Variants in CAB39 observed in about 807,000 individuals in gnomAD.
CAB39 encodes calcium binding protein 39.
A neutral mutation model predicts 40.0 loss-of-function variants in CAB39; 8 were observed. That is an observed-to-expected ratio of 0.20 (90% CI 0.12 to 0.36). The LOEUF (loss-of-function observed/expected upper bound fraction) is 0.36, where lower values mean the gene tolerates loss of function less well. Ranked by LOEUF, CAB39 falls within the 10% of genes least tolerant of loss-of-function variation. The pLI is 1.00. For missense variants in CAB39, 270 were observed against 401.1 expected (o/e 0.67, Z 2.79); for synonymous variants, 156 against 141.6 (o/e 1.10, Z -0.72).
chr2:230,733,200 G>A (rs889813085), intron 1 of CAB39, among the ~76,000 whole-genome samples: 1 of 152,180 alleles, frequency 6.6e-6, no homozygotes, highest in Non-Finnish European at 1.5e-5. Context: ...TTGTCCTGAT[G>A]TATTTATTCA....
intron 2 of CAB39, among the ~76,000 whole-genome samples, chr2:230,763,321 G>A (rs993361428): frequency 2.0e-5 from 3 of 152,174 alleles, no homozygotes; most frequent in Non-Finnish European, 2.9e-5. Context: ...GTTGGGAGTG[G>A]TGGCTCATGC....
At chr2:230,817,686 TTG>T in intron 7 of CAB39, 66 bp from the exon 8 acceptor site, 1 of 1,235,458 alleles carries the variant, frequency 8.1e-7, no homozygotes. Context: ...ATAAAATAAA[TTG>T]TTTTTTTAAA....
At chr2:230,738,872 ACT>A (rs1694829874) in intron 1 of CAB39, among the ~76,000 whole-genome samples, 1 of 152,232 alleles carries the variant, frequency 6.6e-6, no homozygotes, top group Non-Finnish European at 1.5e-5. Context: ...TGCAAATAAA[ACT>A]TTTTTTCAGA....
At chr2:230,798,127 T>G (rs925709204) in intron 4 of CAB39, among the ~76,000 whole-genome samples, 2 of 152,058 alleles carry the variant, frequency 1.3e-5, no homozygotes, top group African/African-American at 4.8e-5. Context: ...AGAGAGCTGA[T>G]GAGGGGGGTC....
At chr2:230,740,105 T>G (rs1267810489) in intron 1 of CAB39, among the ~76,000 whole-genome samples, 1 of 152,214 alleles carries the variant, frequency 6.6e-6, no homozygotes, top group African/African-American at 2.4e-5. Flanking sequence ...TATGAATATG[T>G]GTGCATCATG....
chr2:230,757,761 A>T (rs1034123214), intron 1 of CAB39, among the ~76,000 whole-genome samples: 1 of 152,146 alleles, frequency 6.6e-6, no homozygotes, highest in Non-Finnish European at 1.5e-5. Context: ...TTCAGAGGAC[A>T]TATTGTGAGT....
intron 1 of CAB39, among the ~76,000 whole-genome samples, chr2:230,758,177 G>T (rs1245048487): frequency 1.3e-5 from 2 of 151,648 alleles, no homozygotes; most frequent in Non-Finnish European, 2.9e-5. Flanking sequence ...CACACCTATA[G>T]TCCCAGCTAC....
Position 230,763,430 on chromosome 2 carries a change from A to G in CAB39, c.114+3315A>G, listed in dbSNP as rs1695329539. Among the ~76,000 whole-genome samples the G allele has an allele frequency of 3.3e-5, 5 of 152,154 alleles. No individual in the cohort carries two copies. In the South Asian group the frequency reaches 1.0e-3, roughly 31 times the overall value. On this transcript the variant is annotated intron_variant, in intron 2 of 8. Transcript: ENST00000258418. ...AACATGGCAAAACCCTTTCTCTACT[A>G]GAAATACAAAAATTAGCCAGGCACG...
At chr2:230,725,329 C>A in intron 1 of CAB39, 1 of 1,577,694 alleles carries the variant, frequency 6.3e-7, no homozygotes, top group Non-Finnish European at 8.7e-7. Flanking sequence ...CTTCACCAAT[C>A]CCAGCCAGGC....
At chr2:230,798,672 G>A (rs1464373609) in intron 4 of CAB39, 57 bp from the exon 5 acceptor site, 2 of 1,464,758 alleles carry the variant, frequency 1.4e-6, no homozygotes, top group Non-Finnish European at 1.9e-6. Context: ...GTTCAGTGTT[G>A]GAGTTTTGAA....
intron 2 of CAB39, among the ~76,000 whole-genome samples, chr2:230,778,169 T>TA (rs1337159710): frequency 1.3e-5 from 2 of 152,220 alleles, no homozygotes; most frequent in African/African-American, 4.8e-5. Context: ...ATATTGAGGT[T>TA]AGAATTGCTA....
intron 2 of CAB39, among the ~76,000 whole-genome samples, chr2:230,778,330 A>T (rs1199679344): frequency 6.6e-6 from 1 of 152,132 alleles, no homozygotes; most frequent in Admixed American, 6.5e-5. Flanking sequence ...TTGAGTCCAG[A>T]GGAGGAGTGT....
intron 1 of CAB39, among the ~76,000 whole-genome samples, chr2:230,734,336 A>G (rs1694747361): frequency 6.6e-6 from 1 of 152,108 alleles, no homozygotes; most frequent in Non-Finnish European, 1.5e-5. Context: ...GGCCACCTGC[A>G]TTTCCTAAAT....
At chr2:230,808,354 G>C (rs1225002108) in intron 5 of CAB39, among the ~76,000 whole-genome samples, 1 of 152,102 alleles carries the variant, frequency 6.6e-6, no homozygotes, top group Non-Finnish European at 1.5e-5. Context: ...TATTCTTTAG[G>C]GGTGGGGGAT....
intron 2 of CAB39, among the ~76,000 whole-genome samples, chr2:230,783,266 C>T (rs945489324): frequency 6.6e-6 from 1 of 152,176 alleles, no homozygotes; most frequent in African/African-American, 2.4e-5. Flanking sequence ...AGTGAAATGG[C>T]CAGCATTGAA....
At chr2:230,802,907 A>G (rs763647761) in intron 5 of CAB39, among the ~76,000 whole-genome samples, 8 of 152,222 alleles carry the variant, frequency 5.3e-5, no homozygotes, top group Non-Finnish European at 1.2e-4. Flanking sequence ...AACTCATTTT[A>G]TGAGGCCAGC....
chr2:230,747,361 A>G (rs1232577291), intron 1 of CAB39, among the ~76,000 whole-genome samples: 3 of 152,222 alleles, frequency 2.0e-5, no homozygotes, highest in Non-Finnish European at 2.9e-5. Context: ...AGAAGGGGAG[A>G]GGAGCACTAT....
intron 1 of CAB39, among the ~76,000 whole-genome samples, chr2:230,752,892 A>G (rs1003119426): frequency 6.6e-6 from 1 of 152,236 alleles, no homozygotes; most frequent in Non-Finnish European, 1.5e-5. Flanking sequence ...ACATTGAAAA[A>G]GAAGCAGGAC....
chr2:230,793,158 A>AT (rs1427994095), intron 3 of CAB39, 55 bp from the exon 4 acceptor site: 1 of 961,314 alleles, frequency 1.0e-6, no homozygotes, highest in African/African-American at 1.6e-5. Context: ...GGGAGGGTGA[A>AT]TGAGCATTTT....
Sources: allele counts gnomAD v4.1 joint callset (sites outside exome capture counted in the v4.1 genomes callset), GRCh38; gene constraint gnomAD v4.1.1; transcripts MANE v1.5; gene names NCBI Gene and HGNC (gene_info 2026-07-23, HGNC 2026-07-21).